The following METTL24 variants were observed in gnomAD, a reference collection of about 807,000 sequenced individuals.
METTL24 encodes the protein probable methyltransferase-like protein 24.
In METTL24, 29 loss-of-function variants were observed where a neutral mutation model predicts 32.7. The observed-to-expected ratio is 0.89, with a 90% CI of 0.66 to 1.21. The LOEUF is 1.21. Ranked by LOEUF, METTL24 falls within the 50% of genes most tolerant of loss-of-function variation. The pLI is 0.00. For synonymous variants in METTL24, 163 were observed against 179.5 expected (o/e 0.91, Z 0.73); for missense variants, 439 against 468.1 (o/e 0.94, Z 0.57).
At chr6:110,318,374 G>A (rs55723110) in intron 2 of METTL24, among the ~76,000 whole-genome samples, 23,097 of 152,046 alleles carry the variant, frequency 0.15, 2,182 homozygotes, top group African/African-American at 0.25. Context: ...AGGGCCGGGC[G>A]TGGTGGCTCA....
At chr6:110,346,656 C>A (rs1352954839) in intron 1 of METTL24, among the ~76,000 whole-genome samples, 1 of 152,290 alleles carries the variant, frequency 6.6e-6, no homozygotes, top group East Asian at 1.9e-4. Context: ...AGGCATGTGC[C>A]ATCACGCCCA....
In METTL24 at chr6:110,322,653, C is replaced by T. The variant is rs1771947895; in HGVS notation, c.417+121G>A. ...GAGTTTAAGCAACAATGCCTCTGAA[C>T]ACACTTCCCCATCAAGTCCTCATCA... On this transcript the variant is annotated intron_variant, in intron 2 of 4. Coordinates refer to ENST00000338882, the MANE Select transcript of METTL24 (RefSeq NM_001123364.3). 4.2e-6 allele frequency: 3 copies of T among 709,752 alleles called. No individual in the cohort carries two copies. In the South Asian group the frequency reaches 5.7e-5, roughly 14 times the overall value. 44.0% of individuals were successfully genotyped at this position (709,752 alleles called of 1,614,324 possible). A position where few individuals can be genotyped will look rare whatever the true frequency, so the allele number is the denominator to read the frequency against.
intron 1 of METTL24, among the ~76,000 whole-genome samples, chr6:110,350,304 T>C (rs554005272): frequency 6.6e-6 from 1 of 152,290 alleles, no homozygotes; most frequent in East Asian, 1.9e-4. Context: ...AGAGCCTTCC[T>C]GGTCCCTGCA....
At chr6:110,265,485 C>T (rs188810025) in intron 4 of METTL24, among the ~76,000 whole-genome samples, 17 of 152,304 alleles carry the variant, frequency 1.1e-4, no homozygotes, top group South Asian at 2.1e-4. Flanking sequence ...CTCAATGCTG[C>T]GCAGACAAAT....
chr6:110,334,657 C>T (rs1289679017), intron 1 of METTL24, among the ~76,000 whole-genome samples: 4 of 152,296 alleles, frequency 2.6e-5, no homozygotes, highest in African/African-American at 4.8e-5. Context: ...AGAGTAGCAG[C>T]GGTTTCCTCA....
chr6:110,323,134 C>G (rs1390513543), intron 1 of METTL24, among the ~76,000 whole-genome samples: 1 of 152,210 alleles, frequency 6.6e-6, no homozygotes, highest in Non-Finnish European at 1.5e-5. Flanking sequence ...CTGTCTGACT[C>G]TGCATGTATG....
chr6:110,336,945 C>G (rs1772247548), intron 1 of METTL24, among the ~76,000 whole-genome samples: 1 of 152,084 alleles, frequency 6.6e-6, no homozygotes, highest in Non-Finnish European at 1.5e-5. Flanking sequence ...GAATATAAAT[C>G]ATTCTGCCAT....
intron 4 of METTL24, among the ~76,000 whole-genome samples, chr6:110,261,753 T>C (rs958199455): frequency 9.9e-5 from 15 of 152,022 alleles, no homozygotes; most frequent in Non-Finnish European, 1.8e-4. Context: ...GAACAGAAAT[T>C]ATAACAAAGT....
At chr6:110,273,530 A>G (rs1770992651) in intron 4 of METTL24, among the ~76,000 whole-genome samples, 1 of 151,602 alleles carries the variant, frequency 6.6e-6, no homozygotes, top group Non-Finnish European at 1.5e-5. Context: ...CAAGAAAAAA[A>G]AAACAAATAA....
intron 4 of METTL24, among the ~76,000 whole-genome samples, chr6:110,257,929 C>CA (rs1384742659): frequency 5.9e-5 from 9 of 152,140 alleles, no homozygotes; most frequent in African/African-American, 2.2e-4. Flanking sequence ...GAACTGTGTG[C>CA]AAAAATGTAT....
chr6:110,314,612 A>G (rs568907472), intron 3 of METTL24, among the ~76,000 whole-genome samples: 8 of 152,220 alleles, frequency 5.3e-5, no homozygotes, highest in Non-Finnish European at 1.2e-4. Flanking sequence ...TAAAACATAC[A>G]AATCTAACAA....
intron 1 of METTL24, among the ~76,000 whole-genome samples, chr6:110,337,703 C>T (rs1008688054): frequency 6.6e-6 from 1 of 152,208 alleles, no homozygotes; most frequent in African/African-American, 2.4e-5. Flanking sequence ...CCCTAACATA[C>T]TTTTCCTCCT....
In METTL24 at chr6:110,244,699, C is replaced by T. The variant is rs1034988783; in HGVS notation, c.*1247G>A. Among the ~76,000 whole-genome samples, 1 of 152,146 alleles carries T rather than the reference C, an allele frequency of 6.6e-6. No homozygotes were observed. ...CCATCAGATCTCATGAGAACTTACT[C>T]AGTATCATGAGAATAGCATGGAGGA... On this transcript the variant is annotated 3_prime_UTR_variant, in exon 5 of 5. Transcript: ENST00000338882.
intron 3 of METTL24, among the ~76,000 whole-genome samples, chr6:110,307,220 G>A (rs921062295): frequency 1.3e-5 from 2 of 152,066 alleles, no homozygotes; most frequent in Non-Finnish European, 2.9e-5. Flanking sequence ...TGGACACCAG[G>A]GACAAATGGA....
At chr6:110,303,132 G>A (rs918604389) in intron 3 of METTL24, among the ~76,000 whole-genome samples, 2 of 152,182 alleles carry the variant, frequency 1.3e-5, no homozygotes, top group South Asian at 2.1e-4. Context: ...ATTCCAGCCC[G>A]GATACTACGC....
At chr6:110,318,939 T>C (rs571186444) in intron 2 of METTL24, among the ~76,000 whole-genome samples, 1 of 152,354 alleles carries the variant, frequency 6.6e-6, no homozygotes, top group African/African-American at 2.4e-5. Flanking sequence ...CTGTCTCTCT[T>C]TAATTCCCCT....
intron 2 of METTL24, among the ~76,000 whole-genome samples, chr6:110,319,464 A>ATAGATAGATGG (rs1562236286): frequency 4.4e-4 from 52 of 118,554 alleles, no homozygotes; most frequent in African/African-American, 1.7e-3. Context: ...TAGATAGATG[A>ATAGATAGATGG]CAGACAGAAA....
At chr6:110,282,374 C>G (rs1288853597) in intron 4 of METTL24, among the ~76,000 whole-genome samples, 1 of 152,238 alleles carries the variant, frequency 6.6e-6, no homozygotes, top group East Asian at 1.9e-4. Flanking sequence ...CCAATAACTA[C>G]TTAATAAATA....
At chr6:110,346,024 T>C (rs1457793797) in intron 1 of METTL24, among the ~76,000 whole-genome samples, 3 of 152,246 alleles carry the variant, frequency 2.0e-5, no homozygotes, top group Admixed American at 1.3e-4. Context: ...TCTTAGCTTA[T>C]GGGCCATACA....
Sources: gnomAD v4.1 joint callset for allele counts (sites outside exome capture counted in the v4.1 genomes callset) on GRCh38, gnomAD v4.1.1 for gene constraint, MANE v1.5 for transcripts, NCBI Gene and HGNC (gene_info 2026-07-23, HGNC 2026-07-21) for gene names.